Variants in NCKAP5 observed in about 807,000 individuals in gnomAD.
NCKAP5 encodes the protein NCK associated protein 5.
Under a neutral mutation model 167.0 loss-of-function variants are expected in NCKAP5, and 92 were observed. That is an observed-to-expected ratio of 0.55 (90% CI 0.47 to 0.66). The LOEUF (loss-of-function observed/expected upper bound fraction) is 0.66. Among genes scored for constraint, NCKAP5 ranks in the 30% least tolerant of loss-of-function variants. NCKAP5 has a pLI of 0.00. For synonymous variants in NCKAP5, 891 were observed against 877.4 expected (o/e 1.02, Z -0.27); for missense variants, 2,378 against 2,315.0 (o/e 1.03, Z -0.56).
chr2:133,044,550 A>G (rs1373185105), intron 6 of NCKAP5, among the ~76,000 whole-genome samples: 3 of 152,166 alleles, frequency 2.0e-5, no homozygotes, highest in South Asian at 4.1e-4. Flanking sequence ...CAATAGATGG[A>G]CCAAAAAAAA....
intron 7 of NCKAP5, among the ~76,000 whole-genome samples, chr2:132,993,123 T>G (rs1197068475): frequency 6.6e-6 from 1 of 152,206 alleles, no homozygotes; most frequent in African/African-American, 2.4e-5. Flanking sequence ...TATGCTTGCT[T>G]TCTCAAACCC....
the NCKAP5 span, among the ~76,000 whole-genome samples, chr2:133,608,045 A>G: frequency 2.6e-5 from 4 of 152,234 alleles, no homozygotes; most frequent in Non-Finnish European, 5.9e-5. Flanking sequence ...TTAAAAACCT[A>G]TGTATTCAAC....
Position 132,993,513 on chromosome 2 carries a change from C to T in NCKAP5, c.429+639G>A, listed in dbSNP as rs116348754. On this transcript the variant is annotated intron_variant, in intron 7 of 19. Transcript: ENST00000409261. ...CTTACTCTCTTTGGACCTCTTTAGA[C>T]TCCTTGTTGCCTGAGATGCAAGGCC... is the stretch of plus-strand genomic sequence containing the variant. Among the ~76,000 whole-genome samples the T allele has an allele frequency of 5.3e-3, 811 of 152,320 alleles. 5 individuals carry two copies. The highest frequency in any genetic ancestry group is 0.018 in the African/African-American group (749 of 41,582).
intron 6 of NCKAP5, among the ~76,000 whole-genome samples, chr2:133,128,054 T>C (rs1434955254): frequency 1.3e-5 from 2 of 152,196 alleles, no homozygotes; most frequent in African/African-American, 2.4e-5. Context: ...ATACACAGTA[T>C]TGGCCATAAT....
At chr2:133,284,790 C>G (rs796983891) in intron 4 of NCKAP5, 20 of 152,320 alleles carry the variant, frequency 1.3e-4, no homozygotes, top group African/African-American at 4.8e-4. Context: ...TCCACAATTT[C>G]TTCTTTGATT....
chr2:132,894,477 A>G (rs1049184130), intron 8 of NCKAP5, among the ~76,000 whole-genome samples: 1 of 152,180 alleles, frequency 6.6e-6, no homozygotes, highest in Non-Finnish European at 1.5e-5. Context: ...AAAAAATTGC[A>G]GTGAATGTAT....
chr2:133,064,771 G>A (rs765017065), intron 6 of NCKAP5, among the ~76,000 whole-genome samples: 6 of 152,240 alleles, frequency 3.9e-5, no homozygotes, highest in South Asian at 2.1e-4. Context: ...CATATTGTTC[G>A]CAATAGACAG....
At chr2:133,554,398 G>C (rs1687590766) in intron 2 of NCKAP5, 1 of 152,102 alleles carries the variant, frequency 6.6e-6, no homozygotes, top group Admixed American at 6.6e-5. Flanking sequence ...TTGCCACAAA[G>C]TACAAAGTAA....
intron 6 of NCKAP5, among the ~76,000 whole-genome samples, chr2:133,025,586 A>G (rs1264709992): frequency 6.6e-6 from 1 of 152,184 alleles, no homozygotes; most frequent in Non-Finnish European, 1.5e-5. Flanking sequence ...ACACTTTGTT[A>G]ATTATGGCAT....
chr2:133,279,035 A>G (rs924337886), intron 4 of NCKAP5, among the ~76,000 whole-genome samples: 1 of 152,210 alleles, frequency 6.6e-6, no homozygotes, highest in Non-Finnish European at 1.5e-5. Context: ...ACTGTGGGTA[A>G]TCATGCAGTC....
intron 5 of NCKAP5, among the ~76,000 whole-genome samples, chr2:133,151,345 T>C (rs902048039): frequency 6.6e-6 from 1 of 151,946 alleles, no homozygotes; most frequent in African/African-American, 2.4e-5. Context: ...AAAATACTGT[T>C]AAGAGAATGA....
intron 5 of NCKAP5, among the ~76,000 whole-genome samples, chr2:133,136,441 G>A (rs976300553): frequency 2.6e-5 from 4 of 152,156 alleles, no homozygotes; most frequent in Admixed American, 6.5e-5. Context: ...CAAGAGGCAC[G>A]TCCCACATAG....
At chr2:132,705,573 AG>A (rs1168104975) in intron 19 of NCKAP5, among the ~76,000 whole-genome samples, 1 of 152,238 alleles carries the variant, frequency 6.6e-6, no homozygotes, top group Non-Finnish European at 1.5e-5. Context: ...TTAAAAGTCT[AG>A]TCAGGTTTAA....
At chr2:133,092,504 A>C (rs1474816647) in intron 6 of NCKAP5, among the ~76,000 whole-genome samples, 6 of 152,220 alleles carry the variant, frequency 3.9e-5, no homozygotes, top group Non-Finnish European at 7.3e-5. Context: ...GTCTTAAGGC[A>C]GTAAGTCCTA....
chr2:133,235,271 C>T (rs2087346912), intron 4 of NCKAP5, among the ~76,000 whole-genome samples: 3 of 152,060 alleles, frequency 2.0e-5, no homozygotes, highest in Admixed American at 2.0e-4. Flanking sequence ...GTGTGAGTGA[C>T]CAATGTGCAC....
chr2:133,400,174 G>A (rs1442079806), intron 3 of NCKAP5, among the ~76,000 whole-genome samples: 1 of 151,992 alleles, frequency 6.6e-6, no homozygotes, highest in East Asian at 1.9e-4. Context: ...TTCAGTTAAT[G>A]AGGATCACAA....
chr2:133,540,330 C>T (rs1280596996), intron 2 of NCKAP5, among the ~76,000 whole-genome samples: 3 of 152,012 alleles, frequency 2.0e-5, no homozygotes, highest in Non-Finnish European at 4.4e-5. Flanking sequence ...AGCTAGACTG[C>T]CAGGATATTT....
intron 3 of NCKAP5, among the ~76,000 whole-genome samples, chr2:133,503,090 G>A (rs1479912408): frequency 6.6e-6 from 1 of 152,284 alleles, no homozygotes; most frequent in African/African-American, 2.4e-5. Flanking sequence ...GAGTGTGTAT[G>A]GTTTATCCAC....
intron 3 of NCKAP5, among the ~76,000 whole-genome samples, chr2:133,510,469 A>G (rs566909314): frequency 1.3e-5 from 2 of 152,370 alleles, no homozygotes; most frequent in East Asian, 3.9e-4. Context: ...CTGGTTCATC[A>G]GAAAATCACA....
Sources: gnomAD v4.1 joint callset for allele counts (sites outside exome capture counted in the v4.1 genomes callset) on GRCh38, gnomAD v4.1.1 for gene constraint, MANE v1.5 for transcripts, NCBI Gene and HGNC (gene_info 2026-07-23, HGNC 2026-07-21) for gene names.